The following RIPOR1 variants were observed in gnomAD, a reference collection of about 807,000 sequenced individuals.
RIPOR1 encodes RHO family interacting cell polarization regulator 1.
RIPOR1 carries 58 observed loss-of-function variants against 116.5 expected under a neutral mutation model. The ratio of observed to expected loss-of-function variants is 0.50; its 90% CI spans 0.40 to 0.62. RIPOR1 has a LOEUF of 0.62. Among genes scored for constraint, RIPOR1 ranks in the 20% least tolerant of loss-of-function variants. The pLI is 0.00. For missense variants in RIPOR1, 1,372 were observed against 1,586.2 expected, an observed-to-expected ratio of 0.86 and a Z score of 2.29; for synonymous variants, 605 against 650.0, an observed-to-expected ratio of 0.93 and a Z score of 1.05.
At chr16:67,534,835 CTTTTTTTTTTTTTTTT>C (rs553858194) in intron 1 of RIPOR1, among the ~76,000 whole-genome samples, 1 of 79,022 alleles carries the variant, frequency 1.3e-5, no homozygotes, top group Non-Finnish European at 2.3e-5. Context: ...TTCTTTTTTT[CTTTTTTTTTTTTTTTT>C]TTTTTTTTTG....
chr16:67,530,359 G>A lies in RIPOR1; in HGVS notation c.-24+1445G>A, dbSNP rs559789837. Among the ~76,000 whole-genome samples, 36 of 152,358 alleles carry A rather than the reference G, an allele frequency of 2.4e-4. No homozygotes were observed. The highest frequency in any genetic ancestry group is 6.8e-3 in the Middle Eastern group (2 of 294). ...CAGCCTCCGCCCGGTTCCGGGGTGG[G>A]GGGTCCGGGGCTGTGCCGCTCCCCC... On this transcript the variant is annotated intron_variant, in intron 1 of 21. Coordinates refer to ENST00000042381, the MANE Select transcript of RIPOR1 (RefSeq NM_024519.4). The surrounding 1 kb of genome is among the most constrained non-coding windows in gnomAD (Gnocchi z 4.5).
rs2050673648 is a variant in RIPOR1, at chr16:67,531,996, A to C, written c.-24+3082A>C. 6.6e-6 allele frequency among the ~76,000 whole-genome samples: 1 copy of C among 151,774 alleles called. No individual in the cohort carries two copies. Among genetic ancestry groups the C allele is most frequent in the Admixed American group, 6.6e-5 (1 of 15,232 alleles). The stretch of plus-strand genomic sequence containing the variant: ...AAGCTCCACCTCCCGGGCTCATGCC[A>C]TTCTCCCACCTCAGCCTACTGAGTA... On this transcript the variant is annotated intron_variant, in intron 1 of 21. Transcript: ENST00000042381. This position sits in a 1 kb window ranked among gnomAD's most constrained non-coding sequence, Gnocchi z 4.2.
chr16:67,545,427 C>G lies in RIPOR1; in HGVS notation c.3083C>G (p.Pro1028Arg). Residue 1028 changes from proline (P) to arginine (R), a missense_variant, in exon 18 of 22, where the codon CCC (proline) becomes CGC (arginine). Around this residue, in one of 3 missense-constraint regions of RIPOR1, gnomAD observed 1,005 missense variants for 1,144.7 expected, o/e 0.88. Transcript: ENST00000042381. This position sits in a 1 kb window ranked among gnomAD's most constrained non-coding sequence, Gnocchi z 4.8. ...DALGQKLPRRPQPGPGEQLTV... is the reference protein window; with the variant it reads ...DALGQKLPRRRQPGPGEQLTV... Reference sequence around the variant, plus strand: ...CTGGGGCAGAAGCTGCCCAGAAGGCCCCAGCCAGGGCCTGGAGAGCAGCTC... The same window carrying G: ...CTGGGGCAGAAGCTGCCCAGAAGGCGCCAGCCAGGGCCTGGAGAGCAGCTC... 1 of 1,613,974 alleles carries G rather than the reference C, an allele frequency of 6.2e-7. No individual in the cohort carries two copies. The highest frequency in any genetic ancestry group is 8.5e-7 in the Non-Finnish European group (1 of 1,180,020).
In RIPOR1 at chr16:67,545,969, C is replaced by A; in HGVS notation, c.3408C>A (p.Asp1136Glu). ...CACAGGCCCTCCTGTGCTTCCTGGA[C>A]CAGCTGGAGGATGAGGACGTGCAGA... ...FRERALLCFL[D>E]QLEDEDVQTR... Residue 1136 changes from aspartate (D) to glutamate (E), a missense_variant, in exon 20 of 22, where the codon GAC (aspartate) becomes GAA (glutamate). By Grantham distance (45) the Asp-to-Glu change is conservative (BLOSUM62 2). This residue lies in a region of RIPOR1 where 1,005 missense variants were observed against 1,144.7 expected (regional missense o/e 0.88). Coordinates refer to ENST00000042381, the MANE Select transcript of RIPOR1 (RefSeq NM_024519.4). This position sits in a 1 kb window ranked among gnomAD's most constrained non-coding sequence, Gnocchi z 4.8. 6.2e-7 allele frequency: 1 copy of A among 1,614,048 alleles called. No homozygotes were observed. Among genetic ancestry groups the A allele is most frequent in the Non-Finnish European group, 8.5e-7 (1 of 1,180,020 alleles).
chr16:67,529,875 A>C lies in RIPOR1; in HGVS notation c.-24+961A>C. On this transcript the variant is annotated intron_variant, in intron 1 of 21. Coordinates refer to ENST00000042381, the MANE Select transcript of RIPOR1 (RefSeq NM_024519.4). The surrounding 1 kb of genome is among the most constrained non-coding windows in gnomAD (Gnocchi z 4.1). ...GCCCAGAGAGGTTAGTAGTATTCTC[A>C]AGGTCACACAGCTGGTTTGGGAGAA... is the stretch of plus-strand genomic sequence containing the variant. The C allele has an allele frequency of 1.4e-4, 212 of 1,468,958 alleles. No homozygotes were observed. The highest frequency in any genetic ancestry group is 1.9e-4 in the Non-Finnish European group (202 of 1,085,700). The allele number at this position is 1,468,958 out of a possible 1,614,324, so 91.0% of individuals were successfully genotyped here.
Position 67,520,062 on chromosome 16 carries a change from C to CAA in RIPOR1, c.-24+1472_-24+1473dup, listed in dbSNP as rs796368368. ...GGGTCACAAGAGCAAAACTCCGTCTCAAAAAAAAAAAAAAAAAAAAAAAAG... is the reference window on the plus strand; with the variant it reads ...GGGTCACAAGAGCAAAACTCCGTCTCAAAAAAAAAAAAAAAAAAAAAAAAAAG... On this transcript the variant is annotated intron_variant, in intron 1 of 1. Coordinates refer to the RIPOR1 transcript ENST00000562116. Among the ~76,000 whole-genome samples the CAA allele has an allele frequency of 5.8e-3, 262 of 45,122 alleles. 2 individuals are homozygous for CAA. The highest frequency in any genetic ancestry group is 0.014 in the East Asian group (13 of 946). The allele number at this position is 45,122 out of a possible 152,430, so 29.6% of individuals were successfully genotyped here.
chr16:67,527,122 G>C (rs940382368), upstream of RIPOR1, among the ~76,000 whole-genome samples: 3 of 152,276 alleles, frequency 2.0e-5, no homozygotes, highest in African/African-American at 7.2e-5. Flanking sequence ...CAGGTTTAAG[G>C]ACTTCAGAGA....
Position 67,541,530 on chromosome 16 carries a change from ATAT to A in RIPOR1, c.903_905del (p.Ile302del). The A allele has an allele frequency of 1.2e-6, 2 of 1,614,096 alleles. No individual in the cohort carries two copies. Among genetic ancestry groups the A allele is most frequent in the Non-Finnish European group, 1.7e-6 (2 of 1,180,012 alleles). Reference sequence around the variant, plus strand: ...GCCCTGCCCCAGGTTGTGGCTGTGGATATCAATGACCTTGGTACCATCAAGCTC... The same window carrying A: ...GCCCTGCCCCAGGTTGTGGCTGTGGACAATGACCTTGGTACCATCAAGCTC... On this transcript the variant is annotated inframe_deletion, in exon 11 of 22. Coordinates refer to ENST00000042381, the MANE Select transcript of RIPOR1 (RefSeq NM_024519.4). This position sits in a 1 kb window ranked among gnomAD's most constrained non-coding sequence, Gnocchi z 4.6.
At position 67,544,837 on chromosome 16, in the gene RIPOR1, G is replaced by A; in HGVS notation, c.2869+7G>A. 6.3e-7 allele frequency: 1 copy of A among 1,591,178 alleles called. No individual in the cohort carries two copies. Among genetic ancestry groups the A allele is most frequent in the Non-Finnish European group, 8.6e-7 (1 of 1,164,572 alleles). ...GCCAGCTCTGCCCAGGAAGGTAAAG[G>A]CCCTGGGGGTTCGGGCTCTGCCATC... On this transcript the variant is annotated splice_region_variant and intron_variant, in intron 16 of 21. Transcript: ENST00000042381. The surrounding 1 kb of genome is among the most constrained non-coding windows in gnomAD (Gnocchi z 5.1).
chr16:67,529,651 C>T lies in RIPOR1; in HGVS notation c.-24+737C>T, dbSNP rs1235188466. 5 of 1,014,680 alleles carry T rather than the reference C, an allele frequency of 4.9e-6. No individual in the cohort carries two copies. In the East Asian group the frequency reaches 1.3e-4, roughly 27 times the overall value. The allele number at this position is 1,014,680 out of a possible 1,614,324, so 62.9% of individuals were successfully genotyped here. ...CTCCTCTCCAGGGTGAGCCCTGAGT[C>T]CGGCCTCCCCTACAGACCCTCCCCA... On this transcript the variant is annotated intron_variant, in intron 1 of 21. Transcript: ENST00000042381. The surrounding 1 kb of genome is among the most constrained non-coding windows in gnomAD (Gnocchi z 4.1).
Position 67,546,711 on chromosome 16 carries a change from G to A in RIPOR1, c.*248G>A, listed in dbSNP as rs768502857. The A allele has an allele frequency of 2.6e-4, 145 of 565,090 alleles. No individual in the cohort carries two copies. Among genetic ancestry groups the A allele is most frequent in the Non-Finnish European group, 3.6e-4 (115 of 317,312 alleles). 35.0% of individuals were successfully genotyped at this position (565,090 alleles called of 1,614,324 possible). On this transcript the variant is annotated 3_prime_UTR_variant, in exon 22 of 22. Coordinates refer to ENST00000042381, the MANE Select transcript of RIPOR1 (RefSeq NM_024519.4). The stretch of plus-strand genomic sequence containing the variant: ...TCTGGGGCTTGGCCACCCTGCCGCT[G>A]CCCAGCCACATCCCTTGGTTTTGTA...
chr16:67,523,543 A>C (rs987398848), intron 1 of RIPOR1, among the ~76,000 whole-genome samples: 27 of 151,312 alleles, frequency 1.8e-4, no homozygotes, highest in Admixed American at 6.6e-4. Flanking sequence ...AAAAAAAAAA[A>C]AAAAAACAGT....
At position 67,546,476 on chromosome 16, in the gene RIPOR1, T is replaced by C; in HGVS notation, c.*13T>C. The stretch of plus-strand genomic sequence containing the variant: ...CACAGCATTCTAAACTATTCACCCA[T>C]GGGTTCCTGGTGCCCCTTTCCCCCC... On this transcript the variant is annotated 3_prime_UTR_variant, in exon 22 of 22. Transcript: ENST00000042381. 6.2e-7 allele frequency: 1 copy of C among 1,607,364 alleles called. No homozygotes were observed. The highest frequency in any genetic ancestry group is 8.5e-7 in the Non-Finnish European group (1 of 1,174,544).
Position 67,542,491 on chromosome 16 carries a change from A to T in RIPOR1, c.1705A>T (p.Thr569Ser). Residue 569 changes from threonine to serine, a missense_variant, in exon 13 of 22, where the codon ACT becomes TCT. Thr to Ser is a moderately conservative substitution (Grantham distance 58). Coordinates refer to ENST00000042381, the MANE Select transcript of RIPOR1 (RefSeq NM_024519.4). This position sits in a 1 kb window ranked among gnomAD's most constrained non-coding sequence, Gnocchi z 4.6. The part of the protein sequence containing the change: ...THSAPSPLTH[T>S]TTGSTHKPII... ...CAGTGCTCCAAGCCCCCTCACTCAC[A>T]CTACTACAGGCTCCACCCACAAGCC... The T allele has an allele frequency of 6.2e-7, 1 of 1,613,564 alleles. No individual in the cohort carries two copies. The highest frequency in any genetic ancestry group is 2.2e-5 in the East Asian group (1 of 44,874).
rs1225352416 is a variant in RIPOR1 at position 67,543,013 on chromosome 16, G to C, written c.2227G>C (p.Asp743His). Reference protein sequence around the residue: ...SRKPLTSPAPDPSESTVQSLS... With the variant: ...SRKPLTSPAPHPSESTVQSLS... Reference sequence around the variant, plus strand: ...GAAACCCCTCACAAGCCCTGCCCCAGATCCCTCAGAGTCTACGGTTCAGAG... The same window carrying C: ...GAAACCCCTCACAAGCCCTGCCCCACATCCCTCAGAGTCTACGGTTCAGAG... Residue 743 changes from aspartate (D) to histidine (H), a missense_variant, in exon 13 of 22, where the codon GAT (aspartate) becomes CAT (histidine). Physicochemically the swap from Asp to His is moderately conservative, Grantham distance 81. Coordinates refer to ENST00000042381, the MANE Select transcript of RIPOR1 (RefSeq NM_024519.4). This position sits in a 1 kb window ranked among gnomAD's most constrained non-coding sequence, Gnocchi z 4.7. 7 of 1,559,934 alleles carry C rather than the reference G, an allele frequency of 4.5e-6. No individual in the cohort carries two copies. The highest frequency in any genetic ancestry group is 1.7e-4 in the Middle Eastern group (1 of 5,764).
intron 1 of RIPOR1, among the ~76,000 whole-genome samples, chr16:67,522,806 G>A (rs1277675491): frequency 1.5e-5 from 2 of 132,656 alleles, no homozygotes; most frequent in Non-Finnish European, 3.2e-5. Context: ...CCAACCCCCC[G>A]CCTTTGCTGT....
chr16:67,541,269 C>T lies in RIPOR1; in HGVS notation c.802-161C>T. The T allele has an allele frequency of 1.6e-6, 1 of 642,038 alleles. No homozygotes were observed. The highest frequency in any genetic ancestry group is 2.6e-6 in the Non-Finnish European group (1 of 387,636). 39.8% of individuals were successfully genotyped at this position (642,038 alleles called of 1,614,324 possible). A position where few individuals can be genotyped will look rare whatever the true frequency, so the allele number is the denominator to read the frequency against. Reference sequence around the variant, plus strand: ...TTTTTTTTTTGAGACAGAGTCTTGCCATGTTGCCCAAGCTGGTCTTGAACT... The same window carrying T: ...TTTTTTTTTTGAGACAGAGTCTTGCTATGTTGCCCAAGCTGGTCTTGAACT... On this transcript the variant is annotated intron_variant, in intron 10 of 21. Transcript: ENST00000042381. This position sits in a 1 kb window ranked among gnomAD's most constrained non-coding sequence, Gnocchi z 4.6.
In RIPOR1 at chr16:67,546,417, T is replaced by C; in HGVS notation, c.3614T>C (p.Leu1205Pro). 6.2e-7 allele frequency: 1 copy of C among 1,614,106 alleles called. No individual in the cohort carries two copies. Among genetic ancestry groups the C allele is most frequent in the East Asian group, 2.2e-5 (1 of 44,892 alleles). ...CGGCTGGAGGAGTCCCTGGACGCCCTGCCCCGCATCTTTGGGCCTGGCAGC... is the reference window on the plus strand; with the variant it reads ...CGGCTGGAGGAGTCCCTGGACGCCCCGCCCCGCATCTTTGGGCCTGGCAGC... ...HRRLEESLDA[L>P]PRIFGPGSMA... Residue 1205 changes from leucine (L) to proline (P), a missense_variant, in exon 22 of 22, where the codon CTG (leucine) becomes CCG (proline). Leu to Pro is a moderately conservative substitution (Grantham distance 98). Coordinates refer to ENST00000042381, the MANE Select transcript of RIPOR1 (RefSeq NM_024519.4).
In RIPOR1 at chr16:67,531,467, T is replaced by G; in HGVS notation, c.-24+2553T>G. ...ACAACTGGGTTATGTGGTCTCGGGGTTCAGAGGGAGGAAGTCAAAAAGGGG... is the reference window on the plus strand; with the variant it reads ...ACAACTGGGTTATGTGGTCTCGGGGGTCAGAGGGAGGAAGTCAAAAAGGGG... On this transcript the variant is annotated intron_variant, in intron 1 of 21. Transcript: ENST00000042381. This position sits in a 1 kb window ranked among gnomAD's most constrained non-coding sequence, Gnocchi z 4.2. 8.7e-6 allele frequency: 3 copies of G among 345,554 alleles called. No homozygotes were observed. Among genetic ancestry groups the G allele is most frequent in the Admixed American group, 7.5e-5 (2 of 26,570 alleles). 21.4% of individuals were successfully genotyped at this position (345,554 alleles called of 1,614,324 possible). A position where few individuals can be genotyped will look rare whatever the true frequency, so the allele number is the denominator to read the frequency against.
Sources: allele counts gnomAD v4.1 joint callset (sites outside exome capture counted in the v4.1 genomes callset), GRCh38; gene constraint gnomAD v4.1.1; regional missense constraint gnomAD v4.1.1; non-coding constraint Gnocchi (gnomAD v3.1); transcripts MANE v1.5; gene names NCBI Gene and HGNC (gene_info 2026-07-23, HGNC 2026-07-21).